The following CBLC variants were observed in gnomAD, a reference collection of about 807,000 sequenced individuals.
The protein encoded by CBLC is E3 ubiquitin-protein ligase CBL-C.
A neutral mutation model predicts 58.6 loss-of-function variants in CBLC; 46 were observed. That is an observed-to-expected ratio of 0.79 (90% confidence interval 0.62 to 1.00). The LOEUF is 1.00. Ranked by LOEUF, CBLC falls within the 50% of genes least tolerant of loss-of-function variation. The pLI is 0.00. For missense variants in CBLC, 655 were observed against 625.8 expected, an observed-to-expected ratio of 1.05 and a Z score of -0.50; for synonymous variants, 271 against 264.2, an observed-to-expected ratio of 1.03 and a Z score of -0.25.
chr19:44,788,145 C>T (rs1234724771), intron 5 of CBLC, among the ~76,000 whole-genome samples: 1 of 151,794 alleles, frequency 6.6e-6, no homozygotes, highest in Non-Finnish European at 1.5e-5. Flanking sequence ...GTGACAGGGT[C>T]TCACTGTCAC....
chr19:44,792,318 C>T, intron 6 of CBLC, 65 bp from the exon 7 acceptor site: 2 of 1,588,832 alleles, frequency 1.3e-6, no homozygotes, highest in African/African-American at 1.3e-5. Flanking sequence ...CTTCCTGTGG[C>T]CCAAGTTGTG....
In CBLC at chr19:44,780,469, ATTT is replaced by A. The variant is rs1196086433; in HGVS notation, c.354-417_354-415del. On this transcript the variant is annotated intron_variant, in intron 1 of 10. Coordinates refer to ENST00000647358, the MANE Select transcript of CBLC (RefSeq NM_012116.4). ...ATAAAAGCCATGTATATCGTTTTTA[ATTT>A]TTTTTTTTTTTTTTTTTTGAGATGG... 7.3e-3 allele frequency among the ~76,000 whole-genome samples: 819 copies of A among 112,402 alleles called. 9 individuals are homozygous for A. The highest frequency in any genetic ancestry group is 0.068 in the South Asian group (234 of 3,446). The allele number at this position is 112,402 out of a possible 152,430, so 73.7% of individuals were successfully genotyped here. A position where few individuals can be genotyped will look rare whatever the true frequency, so the allele number is the denominator to read the frequency against.
At chr19:44,784,965 T>TTTTG (rs1967856074) in intron 5 of CBLC, among the ~76,000 whole-genome samples, 1 of 110,842 alleles carries the variant, frequency 9.0e-6, no homozygotes, top group Non-Finnish European at 1.8e-5. Context: ...TTTTTTTTTT[T>TTTTG]TTTTTTTTTT....
intron 7 of CBLC, 107 bp from the exon 8 acceptor site, chr19:44,793,367 G>A: frequency 8.9e-6 from 11 of 1,241,508 alleles, no homozygotes; most frequent in Non-Finnish European, 1.2e-5. Context: ...CCCTTCCTCT[G>A]TCTGTCTTCC....
chr19:44,795,903 A>T (rs2122506743), intron 9 of CBLC, among the ~76,000 whole-genome samples: 1 of 152,266 alleles, frequency 6.6e-6, no homozygotes, highest in East Asian at 1.9e-4. Flanking sequence ...TCTTCCCAAC[A>T]GCCCTATGAA....
intron 1 of CBLC, among the ~76,000 whole-genome samples, chr19:44,779,389 G>A (rs1179590033): frequency 6.6e-6 from 1 of 152,084 alleles, no homozygotes; most frequent in Non-Finnish European, 1.5e-5. Context: ...AGGAACAGCT[G>A]GCTCCAGACC....
At chr19:44,784,950 G>GTTTTTTTTTTTTTTTTTTTT (rs58171575) in intron 5 of CBLC, among the ~76,000 whole-genome samples, 1 of 34,356 alleles carries the variant, frequency 2.9e-5, no homozygotes, top group Non-Finnish European at 6.6e-5. Context: ...CTAGACAGGT[G>GTTTTTTTTTTTTTTTTTTTT]TTTTTTTTTT....
intron 3 of CBLC, 59 bp from the exon 4 acceptor site, chr19:44,782,311 C>T: frequency 6.2e-7 from 1 of 1,608,100 alleles, no homozygotes; most frequent in Non-Finnish European, 8.5e-7. Flanking sequence ...CTAGGGACTA[C>T]TTAGGGATGT....
In CBLC at chr19:44,781,646, C is replaced by T. The variant is rs368016485; in HGVS notation, c.657+283C>T. On this transcript the variant is annotated intron_variant, in intron 3 of 10. Transcript: ENST00000647358. ...GTCTGAGGGAGGAGGGGCCGGGGAC[C>T]TGGACTCCTGGGTCTGAGGGAGGAA... Among the ~76,000 whole-genome samples the T allele has an allele frequency of 9.8e-5, 13 of 132,432 alleles. 1 individual carries two copies. In the East Asian group the frequency reaches 2.2e-3, roughly 22 times the overall value. 86.9% of individuals were successfully genotyped at this position (132,432 alleles called of 152,430 possible).
intron 9 of CBLC, among the ~76,000 whole-genome samples, chr19:44,799,674 AAAAG>A (rs202047140): frequency 0.022 from 3,395 of 151,344 alleles, 104 homozygotes; most frequent in East Asian, 0.11. Flanking sequence ...TTGTTTTTAA[AAAAG>A]AAAGAAAAGT....
At position 44,781,206 on chromosome 19, in the gene CBLC, G is replaced by A. The variant is rs779460411; in HGVS notation, c.501-1G>A. On this transcript the variant is annotated splice_acceptor_variant, in intron 2 of 10. Coordinates refer to ENST00000647358, the MANE Select transcript of CBLC (RefSeq NM_012116.4). LOFTEE classifies it high-confidence loss of function. ...GTCTCCCCCACCCCTCTCCCACCCA[G>A]GTGTGTGCTGCCCTGGGCTGAGTTT... The A allele has an allele frequency of 1.9e-6, 3 of 1,610,124 alleles. No individual in the cohort carries two copies. In the Admixed American group the frequency reaches 5.0e-5, roughly 27 times the overall value.
intron 5 of CBLC, among the ~76,000 whole-genome samples, chr19:44,787,265 G>T (rs539853869): frequency 6.6e-6 from 1 of 151,338 alleles, no homozygotes; most frequent in African/African-American, 2.4e-5. Context: ...GCAGTGGCGG[G>T]CGTCTGTAGT....
chr19:44,796,662 G>T (rs1391850278), intron 9 of CBLC, among the ~76,000 whole-genome samples: 2 of 152,130 alleles, frequency 1.3e-5, no homozygotes, highest in Non-Finnish European at 2.9e-5. Context: ...TGGGATTACA[G>T]GGGTGAGCCA....
intron 9 of CBLC, among the ~76,000 whole-genome samples, chr19:44,796,076 G>T (rs939970646): frequency 6.6e-6 from 1 of 152,086 alleles, no homozygotes; most frequent in African/African-American, 2.4e-5. Context: ...TTAGCTGGGC[G>T]TGGTGGCGCA....
chr19:44,791,507 C>G (rs1021907259), intron 6 of CBLC, among the ~76,000 whole-genome samples: 2 of 151,920 alleles, frequency 1.3e-5, no homozygotes, highest in Non-Finnish European at 2.9e-5. Context: ...CCAAGGCGGG[C>G]AGATTACTTG....
intron 9 of CBLC, 111 bp downstream of exon 9, chr19:44,794,392 C>A: frequency 1.2e-6 from 1 of 858,670 alleles, no homozygotes; most frequent in South Asian, 1.8e-5. Context: ...CCTTGGCACC[C>A]ATTTCCAAGG....
intron 5 of CBLC, among the ~76,000 whole-genome samples, chr19:44,786,213 G>C (rs1220878352): frequency 6.6e-6 from 1 of 151,906 alleles, no homozygotes; most frequent in Non-Finnish European, 1.5e-5. Context: ...GACTACAGGT[G>C]CACGCCACCA....
At position 44,797,547 on chromosome 19, in the gene CBLC, A is replaced by G. The variant is rs371079399; in HGVS notation, c.1363-2834A>G. Among the ~76,000 whole-genome samples the G allele has an allele frequency of 1.6e-4, 24 of 148,868 alleles. 1 individual carries two copies. In the East Asian group the frequency reaches 2.2e-3, roughly 13 times the overall value. ...ACTACAGGAGTGGGCCCCGCCTGTC[A>G]TAACTTTTGCTATGTGCCTGGCATT... On this transcript the variant is annotated intron_variant, in intron 9 of 10. Transcript: ENST00000647358.
intron 4 of CBLC, 106 bp downstream of exon 4, chr19:44,782,597 G>A (rs1967780265): frequency 7.8e-6 from 7 of 894,698 alleles, no homozygotes; most frequent in Non-Finnish European, 1.2e-5. Flanking sequence ...TGGGAACAGA[G>A]GTACCCAGGA....
Sources: gnomAD v4.1 joint callset for allele counts (sites outside exome capture counted in the v4.1 genomes callset) on GRCh38, gnomAD v4.1.1 for gene constraint, MANE v1.5 for transcripts, NCBI Gene and HGNC (gene_info 2026-07-23, HGNC 2026-07-21) for gene names.